Variants in KHDRBS2 observed in about 807,000 individuals in gnomAD.
KHDRBS2 encodes KH RNA binding domain containing, signal transduction associated 2, also known as KH domain-containing, RNA-binding, signal transduction-associated protein 2.
In KHDRBS2, 26 loss-of-function variants were observed where a neutral mutation model predicts 44.3. The ratio of observed to expected loss-of-function variants is 0.59; its 90% CI spans 0.43 to 0.81. KHDRBS2 has a LOEUF of 0.81. KHDRBS2 is among the 40% of genes least tolerant of loss of function. KHDRBS2 has a pLI of 0.00. For missense variants in KHDRBS2, 476 were observed against 433.1 expected (o/e 1.10, Z -0.88); for synonymous variants, 194 against 151.1 (o/e 1.28, Z -2.08).
chr6:62,266,306 T>C (rs539874330), intron 1 of KHDRBS2, among the ~76,000 whole-genome samples: 1 of 152,174 alleles, frequency 6.6e-6, no homozygotes, highest in East Asian at 1.9e-4. Flanking sequence ...TATATATTTC[T>C]TGCTTGAGGG....
chr6:62,258,286 T>G (rs955774663), intron 1 of KHDRBS2, among the ~76,000 whole-genome samples: 2 of 152,042 alleles, frequency 1.3e-5, no homozygotes, highest in African/African-American at 4.8e-5. Flanking sequence ...GTGTCATAGA[T>G]AGACTGAAAG....
chr6:62,105,899 T>C (rs953335312), intron 2 of KHDRBS2, among the ~76,000 whole-genome samples: 2 of 152,216 alleles, frequency 1.3e-5, no homozygotes, highest in Non-Finnish European at 2.9e-5. Context: ...TTTCCTGCTT[T>C]CTCTTGTGGG....
chr6:61,822,875 T>C (rs1347981861), intron 6 of KHDRBS2, among the ~76,000 whole-genome samples: 1 of 152,044 alleles, frequency 6.6e-6, no homozygotes, highest in Admixed American at 6.6e-5. Context: ...CCATGATAAG[T>C]CATATTATTT....
the KHDRBS2 span, among the ~76,000 whole-genome samples, chr6:61,643,572 C>G: frequency 6.6e-6 from 1 of 152,270 alleles, no homozygotes; most frequent in Non-Finnish European, 1.5e-5. Flanking sequence ...ATAACTTCAG[C>G]CCCAAATCTC....
chr6:62,121,553 A>AT (rs1807644636), intron 2 of KHDRBS2, among the ~76,000 whole-genome samples: 1 of 152,224 alleles, frequency 6.6e-6, no homozygotes, highest in African/African-American at 2.4e-5. Context: ...GATTTGGCAA[A>AT]TGCTTTTTTC....
At position 62,058,877 on chromosome 6, in the gene KHDRBS2, T is replaced by C. The variant is rs185482313; in HGVS notation, c.220-10883A>G. The stretch of plus-strand genomic sequence containing the variant: ...AATTAACCATTAAAGCTAATATCAA[T>C]ATATTACCACAAATATAATTTATTC... On this transcript the variant is annotated intron_variant, in intron 2 of 8. Transcript: ENST00000281156. Among the ~76,000 whole-genome samples, 276 of 151,976 alleles carry C rather than the reference T, an allele frequency of 1.8e-3. 10 individuals carry two copies. In the South Asian group the frequency reaches 0.052, roughly 29 times the overall value.
At chr6:62,279,874 G>A (rs1198189497) in intron 1 of KHDRBS2, among the ~76,000 whole-genome samples, 1 of 152,182 alleles carries the variant, frequency 6.6e-6, no homozygotes, top group Non-Finnish European at 1.5e-5. Context: ...AAATCTGATG[G>A]AGAAAAGCCT....
At chr6:61,721,295 G>GT (rs1346908908) in intron 7 of KHDRBS2, among the ~76,000 whole-genome samples, 1 of 152,096 alleles carries the variant, frequency 6.6e-6, no homozygotes, top group African/African-American at 2.4e-5. Context: ...CTTTAAAGTA[G>GT]TTTTTTCCAA....
chr6:62,203,254 T>G (rs1330100735), intron 1 of KHDRBS2, among the ~76,000 whole-genome samples: 1 of 152,078 alleles, frequency 6.6e-6, no homozygotes, highest in African/African-American at 2.4e-5. Flanking sequence ...AACATGAGCA[T>G]ATTTACCTAG....
intron 2 of KHDRBS2, among the ~76,000 whole-genome samples, chr6:62,052,719 G>T (rs1789359027): frequency 6.6e-6 from 1 of 152,026 alleles, no homozygotes. Flanking sequence ...GCAAAACCCA[G>T]ATCGCTTGCA....
chr6:61,545,639 T>TG, the KHDRBS2 span, among the ~76,000 whole-genome samples: 1 of 152,054 alleles, frequency 6.6e-6, no homozygotes, highest in South Asian at 2.1e-4. Flanking sequence ...AAGCAAGGTA[T>TG]GTGATAAACT....
chr6:61,782,844 G>T (rs931746467), intron 6 of KHDRBS2, among the ~76,000 whole-genome samples: 1 of 150,924 alleles, frequency 6.6e-6, no homozygotes, highest in African/African-American at 2.4e-5. Flanking sequence ...CTGATGGTTG[G>T]GTCCACATGT....
intron 1 of KHDRBS2, among the ~76,000 whole-genome samples, chr6:62,269,688 T>G (rs1168650032): frequency 1.3e-5 from 2 of 152,026 alleles, no homozygotes; most frequent in African/African-American, 4.8e-5. Flanking sequence ...ATTCCATATA[T>G]TATAATAAAA....
At chr6:61,918,719 T>C (rs539495455) in intron 4 of KHDRBS2, among the ~76,000 whole-genome samples, 3 of 152,072 alleles carry the variant, frequency 2.0e-5, no homozygotes, top group East Asian at 3.9e-4. Context: ...GTGCTCTTTC[T>C]GAGAAAAGAA....
chr6:62,061,862 T>G (rs1792010595), intron 2 of KHDRBS2, among the ~76,000 whole-genome samples: 1 of 150,560 alleles, frequency 6.6e-6, no homozygotes, highest in Non-Finnish European at 1.5e-5. Flanking sequence ...TCTTGGAGGC[T>G]TTGCTCATTT....
chr6:62,157,067 G>A (rs1006317753), intron 2 of KHDRBS2, among the ~76,000 whole-genome samples: 10 of 151,486 alleles, frequency 6.6e-5, no homozygotes, highest in African/African-American at 2.4e-4. Context: ...AAAAGAATAA[G>A]AATGAGGGCC....
At chr6:62,169,898 A>C (rs1331420803) in intron 2 of KHDRBS2, among the ~76,000 whole-genome samples, 1 of 151,550 alleles carries the variant, frequency 6.6e-6, no homozygotes. Flanking sequence ...TGATCCATCC[A>C]CCCTCACCAG....
At chr6:61,912,266 GA>G (rs1292046768) in intron 4 of KHDRBS2, among the ~76,000 whole-genome samples, 2 of 152,086 alleles carry the variant, frequency 1.3e-5, no homozygotes, top group African/African-American at 4.8e-5. Flanking sequence ...GTCAAAATAT[GA>G]TGTCAAAGTT....
At chr6:61,892,308 T>G (rs1230280031) in intron 6 of KHDRBS2, among the ~76,000 whole-genome samples, 1 of 152,150 alleles carries the variant, frequency 6.6e-6, no homozygotes, top group African/African-American at 2.4e-5. Context: ...CTCAATATCA[T>G]GAAAATGGCC....
Sources: allele counts gnomAD v4.1 joint callset (sites outside exome capture counted in the v4.1 genomes callset), GRCh38; gene constraint gnomAD v4.1.1; transcripts MANE v1.5; gene names NCBI Gene and HGNC (gene_info 2026-07-23, HGNC 2026-07-21).